Variants in FOCAD observed in about 807,000 individuals in gnomAD.
The protein encoded by FOCAD is focadhesin.
FOCAD carries 198 observed loss-of-function variants against 225.6 expected under a neutral mutation model. The ratio of observed to expected loss-of-function variants is 0.88; its 90% CI spans 0.78 to 0.99. The LOEUF is 0.99. Among genes scored for constraint, FOCAD ranks in the 50% least tolerant of loss-of-function variants. The probability of loss-of-function intolerance (pLI) is 0.00; values close to 1 mark genes in which losing one functional copy is unlikely to be tolerated. For missense variants in FOCAD, 2,713 were observed against 2,123.6 expected, an observed-to-expected ratio of 1.28 and a Z score of -5.46; for synonymous variants, 897 against 755.0, an observed-to-expected ratio of 1.19 and a Z score of -3.08.
At chr9:20,818,424 C>G (rs1048263603) in intron 11 of FOCAD, among the ~76,000 whole-genome samples, 1 of 151,854 alleles carries the variant, frequency 6.6e-6, no homozygotes. Context: ...GTTGTCATGT[C>G]TAAGAGCTTA....
chr9:20,800,823 G>A (rs4495516), intron 11 of FOCAD, among the ~76,000 whole-genome samples: 3 of 152,010 alleles, frequency 2.0e-5, no homozygotes, highest in African/African-American at 7.2e-5. Context: ...GAAGTTTGAT[G>A]TTCTGAAGCC....
At chr9:20,790,037 G>T (rs953062471) in intron 11 of FOCAD, among the ~76,000 whole-genome samples, 1 of 152,110 alleles carries the variant, frequency 6.6e-6, no homozygotes, top group Non-Finnish European at 1.5e-5. Context: ...TTAACTTCTT[G>T]CAGTTTGATA....
chr9:20,968,728 C>G (rs763273123), intron 35 of FOCAD, among the ~76,000 whole-genome samples: 40 of 152,122 alleles, frequency 2.6e-4, no homozygotes, highest in Non-Finnish European at 4.4e-4. Flanking sequence ...CATGAGCCAC[C>G]TCGCCCGGCC....
chr9:20,948,142 C>A, intron 30 of FOCAD, 129 bp from the exon 31 acceptor site: 1 of 907,816 alleles, frequency 1.1e-6, no homozygotes, highest in Non-Finnish European at 1.5e-6. Context: ...TCTGATTTTT[C>A]ATATGACAAA....
At chr9:20,698,260 C>G (rs543654295) in intron 1 of FOCAD, among the ~76,000 whole-genome samples, 15 of 151,842 alleles carry the variant, frequency 9.9e-5, no homozygotes, top group Non-Finnish European at 2.1e-4. Flanking sequence ...CATCCATCAT[C>G]CTGTTCAGAA....
rs73436459 is a variant in FOCAD, at chr9:20,715,278, G to T, written c.-32-44G>T. The T allele has an allele frequency of 6.6e-3, 5,906 of 896,400 alleles. 241 individuals are homozygous for T. In the African/African-American group the frequency reaches 0.085, roughly 13 times the overall value. The allele number at this position is 896,400 out of a possible 1,614,324, so 55.5% of individuals were successfully genotyped here. ...AATAATTAATTGGAGCCCCAATTCA[G>T]ACCAGTTGGAAGACTAACAAATATT... On this transcript the variant is annotated intron_variant, in intron 1 of 43. Coordinates refer to ENST00000338382, the MANE Select transcript of FOCAD (RefSeq NM_001375567.1).
At chr9:20,829,063 T>C (rs938077769) in intron 15 of FOCAD, among the ~76,000 whole-genome samples, 3 of 152,146 alleles carry the variant, frequency 2.0e-5, no homozygotes, top group Admixed American at 6.6e-5. Context: ...ATTGATTCCA[T>C]GTCTTTGCTA....
intron 5 of FOCAD, among the ~76,000 whole-genome samples, chr9:20,749,551 A>G (rs1828359482): frequency 6.6e-6 from 1 of 152,180 alleles, no homozygotes; most frequent in South Asian, 2.1e-4. Flanking sequence ...TTAGCTTCTA[A>G]CCAGCAGTTT....
At chr9:20,721,809 A>C (rs73436464) in intron 4 of FOCAD, among the ~76,000 whole-genome samples, 7,740 of 151,250 alleles carry the variant, frequency 0.051, 705 homozygotes, top group African/African-American at 0.18. Context: ...CTGTTTCCTT[A>C]GATCATTTCT....
chr9:20,820,657 T>C (rs1178362743), intron 13 of FOCAD, among the ~76,000 whole-genome samples: 2 of 152,142 alleles, frequency 1.3e-5, no homozygotes, highest in African/African-American at 2.4e-5. Context: ...TATCTTTCCA[T>C]TTGCTTGAGA....
intron 25 of FOCAD, among the ~76,000 whole-genome samples, chr9:20,924,965 A>T (rs1017379615): frequency 6.6e-6 from 1 of 152,190 alleles, no homozygotes; most frequent in African/African-American, 2.4e-5. Flanking sequence ...TTGATTGAGC[A>T]TTTAACTAAC....
chr9:20,762,629 A>G (rs1401993584), intron 6 of FOCAD, among the ~76,000 whole-genome samples: 1 of 152,206 alleles, frequency 6.6e-6, no homozygotes, highest in East Asian at 1.9e-4. Context: ...ATGGTATTGT[A>G]AGACTATGTT....
At chr9:20,858,325 A>G (rs952436111) in intron 15 of FOCAD, among the ~76,000 whole-genome samples, 18 of 152,062 alleles carry the variant, frequency 1.2e-4, no homozygotes, top group African/African-American at 2.4e-5. Flanking sequence ...TTGGTAGGCC[A>G]TATGTGTCTA....
intron 5 of FOCAD, among the ~76,000 whole-genome samples, chr9:20,757,353 A>G (rs948420652): frequency 6.6e-6 from 1 of 152,218 alleles, no homozygotes; most frequent in Non-Finnish European, 1.5e-5. Context: ...GCCTTTTTGA[A>G]CTATTTAAAA....
chr9:20,820,148 G>C (rs765095503), intron 12 of FOCAD, 176 bp from the exon 13 acceptor site: 27 of 548,882 alleles, frequency 4.9e-5, no homozygotes, highest in Non-Finnish European at 8.0e-5. Context: ...ATGTCCCCAG[G>C]ATTGTTATCT....
At chr9:20,963,984 C>T (rs938632441) in intron 35 of FOCAD, among the ~76,000 whole-genome samples, 14 of 151,746 alleles carry the variant, frequency 9.2e-5, no homozygotes, top group Admixed American at 7.9e-4. Flanking sequence ...GTACCTGATA[C>T]CTAATAGATA....
Position 20,918,165 on chromosome 9 carries a change from T to C in FOCAD, c.2852+1228T>C, listed in dbSNP as rs556545795. On this transcript the variant is annotated intron_variant, in intron 24 of 43. Coordinates refer to ENST00000338382, the MANE Select transcript of FOCAD (RefSeq NM_001375567.1). ...TTACCTGTAATAGTTTGTTCTCTTATGTAGTCTACATATATCCTATTAAAA... is the reference window on the plus strand; with the variant it reads ...TTACCTGTAATAGTTTGTTCTCTTACGTAGTCTACATATATCCTATTAAAA... 5.2e-4 allele frequency among the ~76,000 whole-genome samples: 79 copies of C among 152,354 alleles called. 2 individuals carry two copies. The South Asian group carries it at 0.016, about 30-fold the overall frequency.
At chr9:20,905,007 T>G (rs1464822274) in intron 21 of FOCAD, among the ~76,000 whole-genome samples, 1 of 152,062 alleles carries the variant, frequency 6.6e-6, no homozygotes, top group East Asian at 1.9e-4. Context: ...TCCTTTTTGC[T>G]TGTGACACAA....
chr9:20,678,972 T>A (rs1354032303), intron 2 of FOCAD, among the ~76,000 whole-genome samples: 2 of 152,158 alleles, frequency 1.3e-5, no homozygotes, highest in African/African-American at 4.8e-5. Context: ...GAAGGTAACA[T>A]CTCAGCAAAG....
Sources: gnomAD v4.1 joint callset for allele counts (sites outside exome capture counted in the v4.1 genomes callset) on GRCh38, gnomAD v4.1.1 for gene constraint, MANE v1.5 for transcripts, NCBI Gene and HGNC (gene_info 2026-07-23, HGNC 2026-07-21) for gene names.